KCNMA1: variants seen among roughly 807,000 people sequenced by gnomAD.
KCNMA1 encodes potassium calcium-activated channel subfamily M alpha 1.
Under a neutral mutation model 140.0 loss-of-function variants are expected in KCNMA1, and 29 were observed. The ratio of observed to expected loss-of-function variants is 0.21; its 90% CI spans 0.15 to 0.28. The LOEUF (loss-of-function observed/expected upper bound fraction) is 0.28. KCNMA1 is among the 10% of genes least tolerant of loss of function. The probability of loss-of-function intolerance (pLI) is 1.00; values close to 1 mark genes in which losing one functional copy is unlikely to be tolerated. For synonymous variants in KCNMA1, 612 were observed against 611.9 expected, an observed-to-expected ratio of 1.00 and a Z score of 0.00; for missense variants, 880 against 1,602.2, an observed-to-expected ratio of 0.55 and a Z score of 7.70.
intron 1 of KCNMA1, among the ~76,000 whole-genome samples, chr10:77,495,092 G>A (rs955818912): frequency 1.3e-5 from 2 of 152,156 alleles, no homozygotes; most frequent in African/African-American, 4.8e-5. Context: ...CGGAGGGCTA[G>A]GACTTCATTA....
downstream of KCNMA1, among the ~76,000 whole-genome samples, chr10:76,882,386 G>C (rs2035013928): frequency 2.0e-5 from 3 of 152,260 alleles, no homozygotes; most frequent in South Asian, 6.2e-4. Context: ...GGCTAACAAG[G>C]AGCTTCGACC....
intron 1 of KCNMA1, among the ~76,000 whole-genome samples, chr10:77,420,739 T>G (rs910927173): frequency 1.3e-5 from 2 of 152,184 alleles, no homozygotes; most frequent in Non-Finnish European, 1.5e-5. Flanking sequence ...AGGAAGGTTC[T>G]TTAGGTTGTC....
chr10:77,327,322 A>G (rs566966022), intron 2 of KCNMA1, among the ~76,000 whole-genome samples: 1 of 151,456 alleles, frequency 6.6e-6, no homozygotes, highest in East Asian at 2.0e-4. Flanking sequence ...GAGACTGAGC[A>G]CCATATCTTT....
intron 1 of KCNMA1, among the ~76,000 whole-genome samples, chr10:77,632,890 T>C (rs539594930): frequency 1.3e-5 from 2 of 152,358 alleles, no homozygotes; most frequent in South Asian, 2.1e-4. Flanking sequence ...CAGTATGCTC[T>C]TGGTATAGGT....
intron 23 of KCNMA1, among the ~76,000 whole-genome samples, chr10:76,933,443 A>G (rs1049215725): frequency 6.6e-6 from 1 of 152,148 alleles, no homozygotes; most frequent in Non-Finnish European, 1.5e-5. Context: ...ACCTACAAGC[A>G]TTTCCTTTGA....
At chr10:77,626,780 G>A (rs2092583995) in intron 1 of KCNMA1, among the ~76,000 whole-genome samples, 1 of 152,202 alleles carries the variant, frequency 6.6e-6, no homozygotes, top group South Asian at 2.1e-4. Flanking sequence ...CGTTTGAAGA[G>A]CTAAAATTTT....
intron 2 of KCNMA1, chr10:77,372,848 G>A (rs909925316): frequency 1.3e-5 from 2 of 152,128 alleles, no homozygotes; most frequent in African/African-American, 4.8e-5. Context: ...TATTAGCAGG[G>A]GTCAAGCAAT....
rs1286666652 is a variant in KCNMA1, at chr10:77,157,612, ACTC to A, written c.808+25806_808+25808del. On this transcript the variant is annotated intron_variant, in intron 5 of 27. Transcript: ENST00000286628. Reference sequence around the variant, plus strand: ...TGCTTTACTTGATCATATGAAATAAACTCCTCTTCACGCTGGAGCAAAATAAGA... The same window carrying A: ...TGCTTTACTTGATCATATGAAATAAACTCTTCACGCTGGAGCAAAATAAGA... Among the ~76,000 whole-genome samples, 8 of 151,948 alleles carry A rather than the reference ACTC, an allele frequency of 5.3e-5. No homozygotes were observed. In the East Asian group the frequency reaches 9.6e-4, roughly 18 times the overall value.
intron 3 of KCNMA1, among the ~76,000 whole-genome samples, chr10:77,228,796 T>A (rs2154199484): frequency 6.6e-6 from 1 of 152,326 alleles, no homozygotes; most frequent in East Asian, 1.9e-4. Context: ...AAATTCCAGC[T>A]TGAGCCACCT....
At chr10:77,590,243 G>A (rs1345018951) in intron 1 of KCNMA1, among the ~76,000 whole-genome samples, 1 of 152,254 alleles carries the variant, frequency 6.6e-6, no homozygotes, top group Admixed American at 6.5e-5. Flanking sequence ...CACCGGGGCC[G>A]CAGGTGGAGC....
At chr10:76,920,004 GTGTGTGTGTGTGTGTGTATATA>G (rs1306709169) in intron 23 of KCNMA1, among the ~76,000 whole-genome samples, 42 of 57,404 alleles carry the variant, frequency 7.3e-4, no homozygotes, top group African/African-American at 4.3e-3. Flanking sequence ...GTGTGTGTGT[GTGTGTGTGTGTGTGTGTATATA>G]TATATATATA....
chr10:77,464,541 CT>C (rs1463261243), intron 1 of KCNMA1, among the ~76,000 whole-genome samples: 2 of 152,076 alleles, frequency 1.3e-5, no homozygotes, highest in African/African-American at 2.4e-5. Flanking sequence ...AGCATTTCAT[CT>C]GGAAATCCCT....
At chr10:77,070,748 G>A (rs2096170457) in intron 14 of KCNMA1, among the ~76,000 whole-genome samples, 1 of 152,156 alleles carries the variant, frequency 6.6e-6, no homozygotes, top group Admixed American at 6.6e-5. Flanking sequence ...CATAAAACAT[G>A]CCAAGGAGGG....
At chr10:77,090,002 A>C (rs991413521) in intron 10 of KCNMA1, among the ~76,000 whole-genome samples, 3 of 152,096 alleles carry the variant, frequency 2.0e-5, no homozygotes, top group Non-Finnish European at 4.4e-5. Flanking sequence ...TTGCTTGGTC[A>C]CCAACTGACT....
At chr10:77,350,002 G>A (rs1435189176) in intron 2 of KCNMA1, among the ~76,000 whole-genome samples, 3 of 152,044 alleles carry the variant, frequency 2.0e-5, no homozygotes, top group African/African-American at 7.2e-5. Context: ...AGGCTCAAGC[G>A]ATTCTCCTGC....
chr10:77,256,180 T>C (rs1401221152), intron 2 of KCNMA1, among the ~76,000 whole-genome samples: 1 of 152,034 alleles, frequency 6.6e-6, no homozygotes, highest in Admixed American at 6.6e-5. Context: ...GGTGATTGAG[T>C]TGGGAAAGCT....
chr10:77,064,037 G>T, intron 14 of KCNMA1: 3 of 985,276 alleles, frequency 3.0e-6, no homozygotes, highest in South Asian at 4.7e-5. Context: ...CCCCATCCTC[G>T]CTGGGCACCG....
chr10:77,505,585 T>C (rs1402332095), intron 1 of KCNMA1, among the ~76,000 whole-genome samples: 1 of 152,098 alleles, frequency 6.6e-6, no homozygotes, highest in Non-Finnish European at 1.5e-5. Context: ...CCCCAGGCCA[T>C]GAAGAATGAG....
downstream of KCNMA1, among the ~76,000 whole-genome samples, chr10:76,883,096 A>AG (rs2035317981): frequency 6.6e-6 from 1 of 152,164 alleles, no homozygotes; most frequent in Non-Finnish European, 1.5e-5. Flanking sequence ...TGGGATCTTG[A>AG]TGATGCTGCC....
Sources: allele counts gnomAD v4.1 joint callset (sites outside exome capture counted in the v4.1 genomes callset), GRCh38; gene constraint gnomAD v4.1.1; transcripts MANE v1.5; gene names NCBI Gene and HGNC (gene_info 2026-07-23, HGNC 2026-07-21).